The following PPEF1 variants were observed in gnomAD, a reference collection of about 807,000 sequenced individuals.
PPEF1 encodes protein phosphatase with EF-hand domain 1, also known as serine/threonine-protein phosphatase with EF-hands 1.
Under a neutral mutation model 53.3 loss-of-function variants are expected in PPEF1, and 12 were observed. The ratio of observed to expected loss-of-function variants is 0.23; its 90% confidence interval spans 0.14 to 0.36. The LOEUF (loss-of-function observed/expected upper bound fraction) is 0.36. Ranked by LOEUF, PPEF1 falls within the 10% of genes least tolerant of loss-of-function variation. The pLI is 1.00. For missense variants in PPEF1, 334 were observed against 490.4 expected, an observed-to-expected ratio of 0.68 and a Z score of 3.01; for synonymous variants, 165 against 176.7, an observed-to-expected ratio of 0.93 and a Z score of 0.52.
At chrX:18,698,712 C>A in intron 5 of PPEF1, among the ~76,000 whole-genome samples, 1 of 111,887 alleles carries the variant, frequency 8.9e-6, no homozygotes, top group East Asian at 2.8e-4. Flanking sequence ...TTAAGCCTGG[C>A]AGGCAGAGGT....
chrX:18,741,279 A>G (rs1432437096), intron 3 of PPEF1, among the ~76,000 whole-genome samples: 4 of 111,917 alleles, frequency 3.6e-5, no homozygotes, highest in African/African-American at 1.3e-4. Context: ...CTTTCTGCTA[A>G]TGACCTAATA....
At chrX:18,807,709 G>A in intron 12 of PPEF1, among the ~76,000 whole-genome samples, 1 of 111,521 alleles carries the variant, frequency 9.0e-6, no homozygotes, top group East Asian at 2.8e-4. Flanking sequence ...GCCCAGGCTG[G>A]AGTGCAGTGG....
chrX:18,716,531 CAAAAAAAA>C (rs34160021), intron 1 of PPEF1, among the ~76,000 whole-genome samples: 1 of 44,654 alleles, frequency 2.2e-5, no homozygotes, highest in African/African-American at 8.6e-5. Flanking sequence ...GACACCATCT[CAAAAAAAA>C]AAAAAAAAAA....
chrX:18,743,247 A>G (rs933402376), intron 3 of PPEF1, among the ~76,000 whole-genome samples: 17 of 110,947 alleles, frequency 1.5e-4, no homozygotes, highest in African/African-American at 5.3e-4. Flanking sequence ...ACTGGCAGAC[A>G]TTTTTACAGG....
At chrX:18,751,472 C>A (rs1223400048) in intron 4 of PPEF1, among the ~76,000 whole-genome samples, 1 of 112,179 alleles carries the variant, frequency 8.9e-6, no homozygotes, top group East Asian at 2.8e-4. Flanking sequence ...GTGGTCTTTG[C>A]ACCCTTGTCA....
chrX:18,728,138 CA>C (rs2044750458), intron 1 of PPEF1, among the ~76,000 whole-genome samples: 1 of 110,632 alleles, frequency 9.0e-6, no homozygotes, highest in Admixed American at 9.7e-5. Context: ...AAGACTGTAT[CA>C]GGGCCATGGA....
intron 1 of PPEF1, among the ~76,000 whole-genome samples, chrX:18,726,817 G>A (rs1167838261): frequency 9.1e-6 from 1 of 109,822 alleles, no homozygotes; most frequent in African/African-American, 3.3e-5. Context: ...GTGTACCACC[G>A]TGCCCAGCTA....
intron 1 of PPEF1, among the ~76,000 whole-genome samples, chrX:18,726,825 C>T (rs1474735145): frequency 9.1e-6 from 1 of 110,082 alleles, no homozygotes; most frequent in Non-Finnish European, 1.9e-5. Flanking sequence ...CCGTGCCCAG[C>T]TAATTTTTGT....
intron 4 of PPEF1, among the ~76,000 whole-genome samples, chrX:18,752,089 CTTTGGGTAA>C (rs1442362848): frequency 8.9e-6 from 1 of 112,065 alleles, no homozygotes; most frequent in Non-Finnish European, 1.9e-5. Flanking sequence ...TGCTATATCA[CTTTGGGTAA>C]TAATTGCCAT....
intron 10 of PPEF1, among the ~76,000 whole-genome samples, chrX:18,802,915 A>G (rs193228846): frequency 4.5e-5 from 5 of 112,036 alleles, no homozygotes; most frequent in Middle Eastern, 4.6e-3. Context: ...TTATTCATGG[A>G]GGAGATGAAT....
At chrX:18,786,989 A>G (rs1222918679) in intron 9 of PPEF1, among the ~76,000 whole-genome samples, 1 of 110,558 alleles carries the variant, frequency 9.0e-6, no homozygotes, top group Admixed American at 9.7e-5. Context: ...TAACTGTTCT[A>G]CCTGCTCTTT....
chrX:18,762,285 TG>T (rs1331515674), intron 6 of PPEF1, among the ~76,000 whole-genome samples: 1 of 112,125 alleles, frequency 8.9e-6, no homozygotes, highest in African/African-American at 3.2e-5. Context: ...CCCTTTACAC[TG>T]GTCTTCTGAA....
chrX:18,759,642 A>G (rs951426721), intron 5 of PPEF1, among the ~76,000 whole-genome samples: 1 of 111,869 alleles, frequency 8.9e-6, no homozygotes, highest in African/African-American at 3.2e-5. Context: ...TCCCATCTTT[A>G]TGTCCTTAGA....
intron 6 of PPEF1, among the ~76,000 whole-genome samples, chrX:18,761,780 G>T (rs1369834449): frequency 9.2e-6 from 1 of 108,730 alleles, no homozygotes; most frequent in African/African-American, 3.4e-5. Context: ...TTGTACTTTG[G>T]GTCTTCATTC....
chrX:18,803,779 T>C, intron 10 of PPEF1, 113 bp from the exon 11 acceptor site: 1 of 732,587 alleles, frequency 1.4e-6, no homozygotes, highest in Non-Finnish European at 2.0e-6. Flanking sequence ...CAAGGAAGAA[T>C]GAGAAGTGGT....
chrX:18,787,431 C>A (rs752425074), intron 9 of PPEF1, among the ~76,000 whole-genome samples: 1 of 111,132 alleles, frequency 9.0e-6, no homozygotes, highest in Non-Finnish European at 1.9e-5. Flanking sequence ...AACTAAGATT[C>A]TGGTTTATTA....
At chrX:18,741,772 CTTTTTTTTTTTTTTTT>C (rs58971135) in intron 3 of PPEF1, among the ~76,000 whole-genome samples, 1 of 66,339 alleles carries the variant, frequency 1.5e-5, no homozygotes, top group African/African-American at 5.9e-5. Context: ...GCTGCTGCTT[CTTTTTTTTTTTTTTTT>C]TTTTTTTTAA....
intron 5 of PPEF1, among the ~76,000 whole-genome samples, chrX:18,699,226 A>G (rs965025742): frequency 9.0e-6 from 1 of 111,302 alleles, no homozygotes; most frequent in African/African-American, 3.3e-5. Flanking sequence ...TGATGTTAAT[A>G]TACTAATAGG....
intron 1 of PPEF1, among the ~76,000 whole-genome samples, chrX:18,676,574 C>T (rs1217278830): frequency 2.7e-5 from 3 of 111,095 alleles, no homozygotes; most frequent in African/African-American, 9.8e-5. Flanking sequence ...AGCCACCGGC[C>T]GGAGGATACG....
Sources: gnomAD v4.1 joint callset for allele counts (sites outside exome capture counted in the v4.1 genomes callset) on GRCh38, gnomAD v4.1.1 for gene constraint, MANE v1.5 for transcripts, NCBI Gene and HGNC (gene_info 2026-07-23, HGNC 2026-07-21) for gene names.